Variants in NR2F1-AS1 observed in about 807,000 individuals in gnomAD.
NR2F1-AS1 encodes the protein NR2F1 regulatory antisense RNA 1.
intron 2 of NR2F1-AS1, among the ~76,000 whole-genome samples, chr5:93,557,667 T>C (rs768024718): frequency 7.3e-4 from 111 of 152,312 alleles, no homozygotes; most frequent in Non-Finnish European, 1.2e-3. Context: ...TGATGACTGC[T>C]GACTGATCAA....
rs1750595087 is a variant in NR2F1-AS1, at chr5:93,481,316, G to GAT, written n.638+72443_638+72444dup. Among the ~76,000 whole-genome samples the GAT allele has an allele frequency of 2.0e-5, 3 of 152,076 alleles. No individual in the cohort carries two copies. The South Asian group carries it at 6.2e-4, about 32-fold the overall frequency. On this transcript the variant is annotated intron_variant and non_coding_transcript_variant, in intron 4 of 5. Coordinates refer to ENST00000660523, the Ensembl canonical transcript of NR2F1-AS1. Reference sequence around the variant, plus strand: ...GATAAAAGGATCCATTCATCAATATGATATAACAATTATAAATGTATACAC... The same window carrying GAT: ...GATAAAAGGATCCATTCATCAATATGATATATAACAATTATAAATGTATACAC...
intron 4 of NR2F1-AS1, among the ~76,000 whole-genome samples, chr5:93,440,788 G>T (rs1749552072): frequency 6.6e-6 from 1 of 152,168 alleles, no homozygotes; most frequent in African/African-American, 2.4e-5. Flanking sequence ...TCCTAGGTTT[G>T]CAGTTTCAGC....
At chr5:93,480,423 T>C (rs1336830415) in intron 4 of NR2F1-AS1, among the ~76,000 whole-genome samples, 8 of 152,026 alleles carry the variant, frequency 5.3e-5, no homozygotes, top group Non-Finnish European at 1.0e-4. Flanking sequence ...GCAAAATACT[T>C]CAAAAATGAA....
chr5:93,481,646 C>T (rs567075495), intron 4 of NR2F1-AS1, among the ~76,000 whole-genome samples: 2 of 152,022 alleles, frequency 1.3e-5, no homozygotes, highest in East Asian at 3.9e-4. Flanking sequence ...CAGAATAAAC[C>T]ATAATTTAGG....
intron 4 of NR2F1-AS1, among the ~76,000 whole-genome samples, chr5:93,546,688 GC>G (rs1161269783): frequency 6.6e-6 from 1 of 152,088 alleles, no homozygotes; most frequent in African/African-American, 2.4e-5. Context: ...CAAGGAAGTT[GC>G]CTAATATATT....
chr5:93,430,671 A>G (rs1749292365), intron 4 of NR2F1-AS1, among the ~76,000 whole-genome samples: 1 of 152,042 alleles, frequency 6.6e-6, no homozygotes, highest in Non-Finnish European at 1.5e-5. Context: ...TGGCCCAGTA[A>G]ACTTGTTCTC....
upstream of NR2F1-AS1, chr5:93,584,824 GGCGGCA>G (rs940549312): frequency 4.5e-5 from 7 of 156,854 alleles, no homozygotes; most frequent in East Asian, 1.1e-3. Flanking sequence ...AGGCAGTAGC[GGCGGCA>G]GCGGCGGCGG....
At chr5:93,533,485 A>G (rs919717583) in intron 4 of NR2F1-AS1, among the ~76,000 whole-genome samples, 2 of 152,152 alleles carry the variant, frequency 1.3e-5, no homozygotes, top group South Asian at 4.1e-4. Context: ...GTATTTACAT[A>G]TATATTCACC....
chr5:93,424,688 A>G (rs1382189016), intron 4 of NR2F1-AS1, among the ~76,000 whole-genome samples: 2 of 152,218 alleles, frequency 1.3e-5, no homozygotes, highest in Admixed American at 1.3e-4. Flanking sequence ...CTCATAATAT[A>G]CAAGATGATT....
upstream of NR2F1-AS1, among the ~76,000 whole-genome samples, chr5:93,581,522 G>GCT (rs1753031797): frequency 6.6e-6 from 1 of 152,052 alleles, no homozygotes; most frequent in African/African-American, 2.4e-5. Context: ...GAGGGACTCG[G>GCT]CTGTGTGCCG....
intron 4 of NR2F1-AS1, among the ~76,000 whole-genome samples, chr5:93,447,685 C>T (rs1045223022): frequency 6.6e-6 from 1 of 152,150 alleles, no homozygotes; most frequent in Non-Finnish European, 1.5e-5. Flanking sequence ...TACCATTTGA[C>T]CCAGCCATCC....
intron 4 of NR2F1-AS1, among the ~76,000 whole-genome samples, chr5:93,433,360 C>G (rs911877422): frequency 1.3e-5 from 2 of 152,110 alleles, no homozygotes; most frequent in African/African-American, 4.8e-5. Flanking sequence ...ACATTGTTTT[C>G]TAGACCTTCA....
intron 4 of NR2F1-AS1, among the ~76,000 whole-genome samples, chr5:93,416,849 A>G (rs896591653): frequency 4.6e-5 from 7 of 152,180 alleles, no homozygotes; most frequent in Non-Finnish European, 8.8e-5. Flanking sequence ...CAAAACTCTA[A>G]AGTGGTTTAT....
At position 93,471,367 on chromosome 5, in the gene NR2F1-AS1, G is replaced by A. The variant is rs534578877; in HGVS notation, n.639-75825C>T. ...TTATCCTAAGGCAATATTCAGAAAT[G>A]CAACAAAGTTTTATGTATAAAGACG... On this transcript the variant is annotated intron_variant and non_coding_transcript_variant, in intron 4 of 5. Transcript: ENST00000660523. Among the ~76,000 whole-genome samples, 8 of 151,920 alleles carry A rather than the reference G, an allele frequency of 5.3e-5. No individual in the cohort carries two copies. In the South Asian group the frequency reaches 1.5e-3, roughly 28 times the overall value.
chr5:93,420,252 T>A (rs921809043), intron 4 of NR2F1-AS1, among the ~76,000 whole-genome samples: 10 of 152,168 alleles, frequency 6.6e-5, no homozygotes, highest in African/African-American at 2.2e-4. Context: ...AAAGCTGGGA[T>A]GAGCCCCCAG....
chr5:93,436,764 T>C (rs1749441005), intron 4 of NR2F1-AS1, among the ~76,000 whole-genome samples: 1 of 152,118 alleles, frequency 6.6e-6, no homozygotes, highest in Non-Finnish European at 1.5e-5. Context: ...TTATATAAAA[T>C]AATGGAACAA....
chr5:93,535,187 T>G (rs1055365063), intron 4 of NR2F1-AS1, among the ~76,000 whole-genome samples: 2 of 151,966 alleles, frequency 1.3e-5, no homozygotes, highest in East Asian at 3.9e-4. Context: ...GGTCGTACCT[T>G]TGCTCATCTG....
intron 4 of NR2F1-AS1, among the ~76,000 whole-genome samples, chr5:93,491,996 T>C (rs1395011738): frequency 6.6e-6 from 1 of 152,218 alleles, no homozygotes; most frequent in Non-Finnish European, 1.5e-5. Flanking sequence ...TATATCCTAT[T>C]GGTTCTGTTT....
At chr5:93,575,449 G>A (rs550738723) in intron 1 of NR2F1-AS1, among the ~76,000 whole-genome samples, 15 of 147,084 alleles carry the variant, frequency 1.0e-4, no homozygotes, top group Middle Eastern at 6.8e-3. Flanking sequence ...ATTTGGAGAC[G>A]TGTCTATAGC....
Sources: gnomAD v4.1 joint callset for allele counts (sites outside exome capture counted in the v4.1 genomes callset) on GRCh38, gnomAD v4.1.1 for gene constraint, MANE v1.5 for transcripts, NCBI Gene and HGNC (gene_info 2026-07-23, HGNC 2026-07-21) for gene names.